Variants in C9orf153 observed in about 807,000 individuals in gnomAD.
The protein encoded by C9orf153 is uncharacterized protein C9orf153.
A neutral mutation model predicts 9.0 loss-of-function variants in C9orf153; 10 were observed. The observed-to-expected ratio is 1.11, with a 90% CI of 0.69 to 1.89. C9orf153 has a LOEUF of 1.89. Ranked by LOEUF, C9orf153 falls within the 40% of genes most tolerant of loss-of-function variation. C9orf153 has a pLI of 0.00. For missense variants in C9orf153, 108 were observed against 111.0 expected (o/e 0.97, Z 0.12); for synonymous variants, 35 against 37.3 (o/e 0.94, Z 0.23).
At position 86,224,591 on chromosome 9, in the gene C9orf153, G is replaced by A. The variant is rs79243529; in HGVS notation, c.243-2858C>T. On this transcript the variant is annotated intron_variant, in intron 3 of 3. Coordinates refer to ENST00000339137, the MANE Select transcript of C9orf153 (RefSeq NM_001276366.4). ...GAGGTCAGGATAAATACACAGATTCGATCACTATATAACACTATTGAAACA... is the reference window on the plus strand; with the variant it reads ...GAGGTCAGGATAAATACACAGATTCAATCACTATATAACACTATTGAAACA... Among the ~76,000 whole-genome samples, 250 of 151,878 alleles carry A rather than the reference G, an allele frequency of 1.6e-3. 1 individual carries two copies. The highest frequency in any genetic ancestry group is 5.6e-3 in the African/African-American group (232 of 41,438).
intron 2 of C9orf153, 99 bp from the exon 3 acceptor site, chr9:86,228,129 A>C: frequency 1.2e-6 from 1 of 840,214 alleles, no homozygotes; most frequent in Non-Finnish European, 1.8e-6. Context: ...ACAATAAATA[A>C]CCATAAAGAC....
At chr9:86,253,870 T>G (rs1031382862) in intron 1 of C9orf153, among the ~76,000 whole-genome samples, 43 of 152,004 alleles carry the variant, frequency 2.8e-4, no homozygotes, top group African/African-American at 1.0e-3. Context: ...GGAGGGCAGA[T>G]CATGAGGTCA....
chr9:86,227,968 T>C lies in C9orf153; in HGVS notation c.129A>G (p.Leu43=). Residue 43 remains leucine (L), a synonymous_variant, in exon 3 of 4, where the codon CTA becomes CTG. Transcript: ENST00000339137. The part of the protein sequence containing the change: ...FNKESKKSNL[L]KMHGISLNEA... Reference sequence around the variant, plus strand: ...CGTTAAGTGAAATACCATGCATTTTTAGAAGATTTGATTTCTTGCTCTCCT... The same window carrying C: ...CGTTAAGTGAAATACCATGCATTTTCAGAAGATTTGATTTCTTGCTCTCCT... 6.2e-7 allele frequency: 1 copy of C among 1,613,646 alleles called. No homozygotes were observed.
At chr9:86,244,831 T>C (rs1824830727) in intron 1 of C9orf153, among the ~76,000 whole-genome samples, 2 of 152,212 alleles carry the variant, frequency 1.3e-5, no homozygotes, top group African/African-American at 4.8e-5. Flanking sequence ...ATTTTTCACA[T>C]GTGCATGTAT....
intron 1 of C9orf153, among the ~76,000 whole-genome samples, chr9:86,249,891 C>T (rs1268401200): frequency 6.6e-6 from 1 of 152,128 alleles, no homozygotes; most frequent in Non-Finnish European, 1.5e-5. Flanking sequence ...AATCAACTGA[C>T]AAAAGGCAGA....
intron 1 of C9orf153, among the ~76,000 whole-genome samples, chr9:86,239,389 T>C (rs1295218374): frequency 6.6e-6 from 1 of 152,218 alleles, no homozygotes; most frequent in Non-Finnish European, 1.5e-5. Context: ...TGAAGATTTA[T>C]TACTTTTGCA....
chr9:86,230,874 G>A (rs1173660098), intron 1 of C9orf153, among the ~76,000 whole-genome samples: 1 of 152,160 alleles, frequency 6.6e-6, no homozygotes, highest in African/African-American at 2.4e-5. Context: ...ATTGATAAGT[G>A]GCAGTTAAGT....
At chr9:86,252,709 G>C (rs1825023801) in intron 1 of C9orf153, among the ~76,000 whole-genome samples, 1 of 152,122 alleles carries the variant, frequency 6.6e-6, no homozygotes, top group African/African-American at 2.4e-5. Flanking sequence ...ACTAGTATTT[G>C]TCCCCAAATT....
At chr9:86,256,893 C>G (rs1825132687) in intron 1 of C9orf153, among the ~76,000 whole-genome samples, 1 of 152,084 alleles carries the variant, frequency 6.6e-6, no homozygotes, top group Non-Finnish European at 1.5e-5. Flanking sequence ...GTCACTGTGG[C>G]ATGCACCTGT....
At chr9:86,226,137 T>G (rs79872763) in intron 3 of C9orf153, among the ~76,000 whole-genome samples, 3,263 of 152,282 alleles carry the variant, frequency 0.021, 114 homozygotes, top group African/African-American at 0.072. Flanking sequence ...GTCCTATCAT[T>G]GCTTTAATTG....
chr9:86,226,642 T>C (rs1400535630), intron 3 of C9orf153, among the ~76,000 whole-genome samples: 1 of 152,184 alleles, frequency 6.6e-6, no homozygotes, highest in Non-Finnish European at 1.5e-5. Context: ...ATTGATGTAA[T>C]CTATTAAAAA....
intron 2 of C9orf153, among the ~76,000 whole-genome samples, chr9:86,228,248 GATGT>G (rs1824386311): frequency 6.6e-6 from 1 of 152,206 alleles, no homozygotes; most frequent in African/African-American, 2.4e-5. Flanking sequence ...CTCCCTTAAA[GATGT>G]ATTATTTAGA....
chr9:86,247,482 G>A (rs1052670914), intron 1 of C9orf153, among the ~76,000 whole-genome samples: 2 of 152,084 alleles, frequency 1.3e-5, no homozygotes, highest in East Asian at 3.9e-4. Flanking sequence ...CAGATTTTGA[G>A]ACCAGCCTGG....
chr9:86,255,872 C>A (rs1054192016), intron 1 of C9orf153, among the ~76,000 whole-genome samples: 1 of 152,158 alleles, frequency 6.6e-6, no homozygotes, highest in African/African-American at 2.4e-5. Flanking sequence ...GTTTTCTGAG[C>A]CATAATAAGC....
chr9:86,234,553 A>C (rs767401212), intron 1 of C9orf153, among the ~76,000 whole-genome samples: 7 of 152,214 alleles, frequency 4.6e-5, no homozygotes, highest in Non-Finnish European at 1.0e-4. Context: ...TCCTTACACA[A>C]AATGAACCTA....
chr9:86,224,962 C>T (rs906483049), intron 3 of C9orf153, among the ~76,000 whole-genome samples: 4 of 129,912 alleles, frequency 3.1e-5, no homozygotes, highest in Non-Finnish European at 6.6e-5. Context: ...AAAAAAAAAG[C>T]ATTGTTCCGG....
chr9:86,251,117 C>A (rs1198387385), intron 1 of C9orf153, among the ~76,000 whole-genome samples: 2 of 152,050 alleles, frequency 1.3e-5, no homozygotes, highest in African/African-American at 4.8e-5. Flanking sequence ...TTTCTCAAAC[C>A]TTTTTGGTAA....
chr9:86,223,080 G>A (rs1824241636), intron 3 of C9orf153, among the ~76,000 whole-genome samples: 1 of 152,146 alleles, frequency 6.6e-6, no homozygotes. Context: ...CATTCATAAG[G>A]CCAGTTGCCA....
chr9:86,233,831 T>A (rs908589477), intron 1 of C9orf153, among the ~76,000 whole-genome samples: 1 of 152,194 alleles, frequency 6.6e-6, no homozygotes, highest in Non-Finnish European at 1.5e-5. Flanking sequence ...GCGCCTGTAA[T>A]CCTAGCACTT....
Sources: gnomAD v4.1 joint callset for allele counts (sites outside exome capture counted in the v4.1 genomes callset) on GRCh38, gnomAD v4.1.1 for gene constraint, MANE v1.5 for transcripts, NCBI Gene and HGNC (gene_info 2026-07-23, HGNC 2026-07-21) for gene names.